BMP5: variants seen among roughly 807,000 people sequenced by gnomAD.
BMP5 encodes the protein bone morphogenetic protein 5.
In BMP5, 23 loss-of-function variants were observed where a neutral mutation model predicts 46.6. That is an observed-to-expected ratio of 0.49 (90% CI 0.35 to 0.70). The LOEUF (loss-of-function observed/expected upper bound fraction) is 0.70, where lower values mean the gene tolerates loss of function less well. Ranked by LOEUF, BMP5 falls within the 30% of genes least tolerant of loss-of-function variation. The pLI is 0.00. For missense variants in BMP5, 545 were observed against 565.6 expected (o/e 0.96, Z 0.37); for synonymous variants, 204 against 191.9 (o/e 1.06, Z -0.52).
chr6:55,816,020 G>A (rs1040301376), intron 2 of BMP5, among the ~76,000 whole-genome samples: 2 of 151,970 alleles, frequency 1.3e-5, no homozygotes, highest in Admixed American at 1.3e-4. Flanking sequence ...TGTGATCAAT[G>A]TAAAATTCTG....
intron 4 of BMP5, among the ~76,000 whole-genome samples, chr6:55,762,608 A>G (rs1774814172): frequency 6.6e-6 from 1 of 152,112 alleles, no homozygotes; most frequent in Non-Finnish European, 1.5e-5. Context: ...AACTTTGTTC[A>G]GGCAATGGAT....
At chr6:55,829,381 G>A (rs1472393695) in intron 1 of BMP5, among the ~76,000 whole-genome samples, 2 of 151,364 alleles carry the variant, frequency 1.3e-5, no homozygotes, top group East Asian at 1.9e-4. Flanking sequence ...TGTTTCATAA[G>A]GAAGGCTAAA....
intron 2 of BMP5, among the ~76,000 whole-genome samples, chr6:55,801,837 T>C (rs564259151): frequency 6.6e-6 from 1 of 152,308 alleles, no homozygotes; most frequent in Admixed American, 6.5e-5. Context: ...TATTCACTTA[T>C]CCATAGAATT....
At chr6:55,823,131 CAG>C (rs993572908) in intron 1 of BMP5, among the ~76,000 whole-genome samples, 8 of 152,162 alleles carry the variant, frequency 5.3e-5, no homozygotes, top group African/African-American at 1.7e-4. Context: ...TACATAGTAA[CAG>C]ATGTCTGTCT....
intron 2 of BMP5, among the ~76,000 whole-genome samples, chr6:55,801,926 G>T (rs776130094): frequency 6.6e-6 from 1 of 152,178 alleles, no homozygotes; most frequent in African/African-American, 2.4e-5. Flanking sequence ...CCATCAAAAG[G>T]ATGGCCTTTT....
chr6:55,774,295 C>A (rs1775119286), intron 3 of BMP5, 52 bp from the exon 4 acceptor site: 2 of 1,538,750 alleles, frequency 1.3e-6, no homozygotes, highest in South Asian at 1.1e-5. Context: ...GAACAATTAC[C>A]TGATGTGAAT....
In BMP5 at chr6:55,837,613, G is replaced by A. The variant is rs150595058; in HGVS notation, c.491-17766C>T. Among the ~76,000 whole-genome samples, 501 of 152,246 alleles carry A rather than the reference G, an allele frequency of 3.3e-3. 1 individual carries two copies. The highest frequency in any genetic ancestry group is 5.0e-3 in the Non-Finnish European group (340 of 68,016). On this transcript the variant is annotated intron_variant, in intron 1 of 6. Transcript: ENST00000370830. ...TGAAATAAGCACATCATGAAGAATA[G>A]TGTATCCATCCCATCAAGCATTTAT... is the stretch of plus-strand genomic sequence containing the variant.
intron 4 of BMP5, among the ~76,000 whole-genome samples, chr6:55,762,551 G>C (rs1024133253): frequency 6.6e-6 from 1 of 152,060 alleles, no homozygotes; most frequent in Non-Finnish European, 1.5e-5. Flanking sequence ...ATTTATTTCA[G>C]ACTCTACATT....
chr6:55,874,756 C>G lies in BMP5; in HGVS notation c.110G>C (p.Ser37Thr). ...GTTCCGTAGTCTTCTATAAATAAAACTGGAGTGAACATGATTGTCTCCCAA... is the reference window on the plus strand; with the variant it reads ...GTTCCGTAGTCTTCTATAAATAAAAGTGGAGTGAACATGATTGTCTCCCAA... ...GGLGDNHVHSSFIYRRLRNHE... is the reference protein window; with the variant it reads ...GGLGDNHVHSTFIYRRLRNHE... Residue 37 changes from serine (S) to threonine (T), a missense_variant, in exon 1 of 7, where the codon AGT becomes ACT. Transcript: ENST00000370830. 1 of 1,613,420 alleles carries G rather than the reference C, an allele frequency of 6.2e-7. No homozygotes were observed. Among genetic ancestry groups the G allele is most frequent in the Non-Finnish European group, 8.5e-7 (1 of 1,179,632 alleles).
At chr6:55,797,882 C>T (rs544909365) in intron 2 of BMP5, among the ~76,000 whole-genome samples, 1 of 152,264 alleles carries the variant, frequency 6.6e-6, no homozygotes, top group African/African-American at 2.4e-5. Context: ...TCCCAAAGTG[C>T]TGGGATTACA....
At chr6:55,852,948 G>T (rs1206360377) in intron 1 of BMP5, among the ~76,000 whole-genome samples, 1 of 151,728 alleles carries the variant, frequency 6.6e-6, no homozygotes, top group African/African-American at 2.4e-5. Flanking sequence ...TGGCTAACGC[G>T]GTGAAGCCCC....
At chr6:55,772,347 G>A (rs974161369) in intron 4 of BMP5, among the ~76,000 whole-genome samples, 6 of 151,792 alleles carry the variant, frequency 4.0e-5, no homozygotes, top group Non-Finnish European at 5.9e-5. Context: ...TTCAGTCACC[G>A]GAACACCTCT....
chr6:55,755,634 T>C lies in BMP5; in HGVS notation c.1264A>G (p.Thr422Ala). The change falls in exon 7 of 7, where the codon ACC becomes GCC. Residue 422 changes from threonine (T) to alanine (A), a missense_variant. Coordinates refer to ENST00000370830, the MANE Select transcript of BMP5 (RefSeq NM_021073.4). Reference sequence around the variant, plus strand: ...AGAACAGAGATGGCATTTAATTTGGTTGGAGCACAACAAGGCTTTGGTACG... The same window carrying C: ...AGAACAGAGATGGCATTTAATTTGGCTGGAGCACAACAAGGCTTTGGTACG... ...DHVPKPCCAP[T>A]KLNAISVLYF... The C allele has an allele frequency of 6.2e-7, 1 of 1,612,508 alleles. No homozygotes were observed. Among genetic ancestry groups the C allele is most frequent in the Non-Finnish European group, 8.5e-7 (1 of 1,178,926 alleles).
At chr6:55,850,504 C>A (rs1237783048) in intron 1 of BMP5, among the ~76,000 whole-genome samples, 1 of 151,938 alleles carries the variant, frequency 6.6e-6, no homozygotes, top group African/African-American at 2.4e-5. Context: ...TATATACATA[C>A]CTTATATATT....
At chr6:55,772,739 AAAACATCACCTTAT>A in intron 4 of BMP5, 1 of 984,760 alleles carries the variant, frequency 1.0e-6, no homozygotes, top group Non-Finnish European at 1.2e-6. Context: ...AAATTATTTT[AAAACATCACCTTAT>A]AAGCAGCATT....
At chr6:55,771,967 C>T (rs1006683219) in intron 4 of BMP5, among the ~76,000 whole-genome samples, 2 of 151,810 alleles carry the variant, frequency 1.3e-5, no homozygotes, top group Non-Finnish European at 2.9e-5. Flanking sequence ...TTCCTTAAAG[C>T]CTTGTCTTTT....
At chr6:55,802,259 G>A (rs1775868038) in intron 2 of BMP5, among the ~76,000 whole-genome samples, 1 of 152,134 alleles carries the variant, frequency 6.6e-6, no homozygotes, top group Non-Finnish European at 1.5e-5. Context: ...ATTGGAAGTT[G>A]AAACAGCTAC....
intron 1 of BMP5, among the ~76,000 whole-genome samples, chr6:55,828,786 G>A (rs1776591492): frequency 6.6e-6 from 1 of 151,692 alleles, no homozygotes; most frequent in Non-Finnish European, 1.5e-5. Context: ...AGTTTGTATA[G>A]TTTAAAGGAT....
intron 4 of BMP5, among the ~76,000 whole-genome samples, chr6:55,771,130 T>C (rs1002491086): frequency 2.0e-5 from 3 of 151,826 alleles, no homozygotes; most frequent in Admixed American, 6.6e-5. Context: ...CACATTATCT[T>C]TGAAACACAA....
Sources: gnomAD v4.1 joint callset for allele counts (sites outside exome capture counted in the v4.1 genomes callset) on GRCh38, gnomAD v4.1.1 for gene constraint, MANE v1.5 for transcripts, NCBI Gene and HGNC (gene_info 2026-07-23, HGNC 2026-07-21) for gene names.